CRADD: variants seen among roughly 807,000 people sequenced by gnomAD.
CRADD encodes the protein death domain-containing protein CRADD.
In CRADD, 9 loss-of-function variants were observed where a neutral mutation model predicts 15.5. The ratio of observed to expected loss-of-function variants is 0.58; its 90% CI spans 0.35 to 1.01. The LOEUF (loss-of-function observed/expected upper bound fraction) is 1.01, where lower values mean the gene tolerates loss of function less well. Ranked by LOEUF, CRADD falls within the 50% of genes least tolerant of loss-of-function variation. The probability of loss-of-function intolerance (pLI) is 0.02; values close to 1 mark genes in which losing one functional copy is unlikely to be tolerated. For synonymous variants in CRADD, 118 were observed against 107.6 expected, an observed-to-expected ratio of 1.10 and a Z score of -0.60; for missense variants, 227 against 250.3, an observed-to-expected ratio of 0.91 and a Z score of 0.63.
chr12:93,829,882 G>C (rs1248710960), intron 2 of CRADD, among the ~76,000 whole-genome samples: 1 of 152,024 alleles, frequency 6.6e-6, no homozygotes, highest in African/African-American at 2.4e-5. Context: ...TAGTAGAGAG[G>C]GGTTTTCACC....
intron 2 of CRADD, among the ~76,000 whole-genome samples, chr12:93,700,246 C>A (rs1008984469): frequency 1.3e-5 from 2 of 152,168 alleles, no homozygotes; most frequent in Non-Finnish European, 2.9e-5. Flanking sequence ...CTGCCACTTA[C>A]TTTAGGCTTT....
At chr12:93,743,700 A>G (rs1260575508) in intron 2 of CRADD, among the ~76,000 whole-genome samples, 2 of 152,262 alleles carry the variant, frequency 1.3e-5, no homozygotes, top group East Asian at 1.9e-4. Flanking sequence ...TTCTCTTCTT[A>G]TATTCAGGGC....
intron 2 of CRADD, among the ~76,000 whole-genome samples, chr12:93,838,214 GTTTTTTTTTTT>G (rs66564800): frequency 5.4e-5 from 7 of 130,604 alleles, no homozygotes; most frequent in African/African-American, 2.0e-4. Context: ...TCCTTTTGAG[GTTTTTTTTTTT>G]TTTTTTTTCT....
At chr12:93,703,810 T>C (rs965629799) in intron 2 of CRADD, among the ~76,000 whole-genome samples, 1 of 152,122 alleles carries the variant, frequency 6.6e-6, no homozygotes, top group Non-Finnish European at 1.5e-5. Flanking sequence ...AAGCAGGAAA[T>C]TGACATTGGT....
chr12:93,707,641 A>G (rs1955977326), intron 2 of CRADD: 1 of 152,192 alleles, frequency 6.6e-6, no homozygotes, highest in Non-Finnish European at 1.5e-5. Context: ...TCTCCTGCTT[A>G]TTGGTCAAGT....
intron 2 of CRADD, among the ~76,000 whole-genome samples, chr12:93,745,691 T>C (rs983965142): frequency 2.6e-5 from 4 of 152,252 alleles, no homozygotes; most frequent in Admixed American, 2.6e-4. Context: ...GTACTTCTGT[T>C]GTTTCTCCTA....
intron 2 of CRADD, among the ~76,000 whole-genome samples, chr12:93,863,140 T>G (rs1958330881): frequency 6.6e-6 from 1 of 152,172 alleles, no homozygotes; most frequent in Non-Finnish European, 1.5e-5. Context: ...CATGCTGCAT[T>G]TCTGTTCAAG....
At chr12:93,680,985 A>C (rs1955278708) in intron 2 of CRADD, among the ~76,000 whole-genome samples, 1 of 152,056 alleles carries the variant, frequency 6.6e-6, no homozygotes, top group African/African-American at 2.4e-5. Context: ...CCCGGGTTTA[A>C]GCAATTCTTC....
chr12:93,841,813 G>T (rs1194903196), intron 2 of CRADD, among the ~76,000 whole-genome samples: 2 of 152,130 alleles, frequency 1.3e-5, no homozygotes, highest in Non-Finnish European at 2.9e-5. Context: ...GCTGGAACGG[G>T]ACAGTCTCTT....
At chr12:93,794,776 T>C (rs1332769882) in intron 2 of CRADD, among the ~76,000 whole-genome samples, 1 of 152,192 alleles carries the variant, frequency 6.6e-6, no homozygotes, top group Non-Finnish European at 1.5e-5. Context: ...CGAACTCCTT[T>C]GTGATGTACC....
intron 2 of CRADD, among the ~76,000 whole-genome samples, chr12:93,817,068 T>C (rs1957709708): frequency 6.6e-6 from 1 of 152,204 alleles, no homozygotes; most frequent in Admixed American, 6.5e-5. Context: ...TACCTTTTTT[T>C]TTCTCATTGT....
intron 2 of CRADD, among the ~76,000 whole-genome samples, chr12:93,722,226 C>T (rs1956277734): frequency 6.6e-6 from 1 of 152,088 alleles, no homozygotes; most frequent in East Asian, 1.9e-4. Context: ...ATCTTTGTTT[C>T]TCTATAGCCA....
At chr12:93,789,215 A>AG (rs1957321798) in intron 2 of CRADD, among the ~76,000 whole-genome samples, 2 of 151,946 alleles carry the variant, frequency 1.3e-5, no homozygotes, top group Non-Finnish European at 2.9e-5. Context: ...GCAGAGGCTA[A>AG]GAAGTACCTG....
intron 2 of CRADD, among the ~76,000 whole-genome samples, chr12:93,836,995 G>A (rs1041504890): frequency 2.0e-5 from 3 of 152,162 alleles, no homozygotes; most frequent in Non-Finnish European, 4.4e-5. Context: ...TTTGGAATAG[G>A]GCAGTCAGGG....
chr12:93,816,158 T>G (rs2137013012), intron 2 of CRADD: 1 of 152,380 alleles, frequency 6.6e-6, no homozygotes, highest in South Asian at 2.1e-4. Context: ...GTATTATTAT[T>G]TCAACATGAA....
At chr12:93,870,033 A>C (rs1958404718) in intron 2 of CRADD, among the ~76,000 whole-genome samples, 1 of 152,210 alleles carries the variant, frequency 6.6e-6, no homozygotes, top group Admixed American at 6.5e-5. Flanking sequence ...AAAATCTTTA[A>C]AACAGCCCAA....
chr12:93,868,669 C>T (rs747718066), intron 2 of CRADD, among the ~76,000 whole-genome samples: 17 of 150,902 alleles, frequency 1.1e-4, no homozygotes, highest in Admixed American at 2.0e-4. Flanking sequence ...TCTTCTCTCT[C>T]TCCCTCTCTC....
intron 2 of CRADD, among the ~76,000 whole-genome samples, chr12:93,741,618 A>G (rs563908397): frequency 4.6e-5 from 7 of 152,344 alleles, no homozygotes; most frequent in African/African-American, 1.7e-4. Context: ...CCCACTGTTC[A>G]AGGTGTGTGG....
intron 2 of CRADD, among the ~76,000 whole-genome samples, chr12:93,719,516 A>G (rs1275267305): frequency 6.6e-6 from 1 of 152,200 alleles, no homozygotes. Flanking sequence ...ATTGCAGAGA[A>G]TTGTTACAAT....
Sources: gnomAD v4.1 joint callset for allele counts (sites outside exome capture counted in the v4.1 genomes callset) on GRCh38, gnomAD v4.1.1 for gene constraint, MANE v1.5 for transcripts, NCBI Gene and HGNC (gene_info 2026-07-23, HGNC 2026-07-21) for gene names.